The following MAF variants were observed in gnomAD, a reference collection of about 807,000 sequenced individuals.
MAF encodes transcription factor Maf.
A neutral mutation model predicts 22.0 loss-of-function variants in MAF; 10 were observed. The observed-to-expected ratio is 0.45, with a 90% CI of 0.28 to 0.77. The LOEUF is 0.77. MAF is among the 30% of genes least tolerant of loss of function. MAF has a pLI of 0.12. For missense variants in MAF, 544 were observed against 548.4 expected (o/e 0.99, Z 0.08); for synonymous variants, 337 against 255.8 (o/e 1.32, Z -3.03).
chr16:79,211,688 C>G, the MAF span: 3 of 1,614,232 alleles, frequency 1.9e-6, no homozygotes, highest in Non-Finnish European at 2.5e-6. Flanking sequence ...TCAACAACTG[C>G]TGCCGCTGCA....
the MAF span, among the ~76,000 whole-genome samples, chr16:79,489,157 CCACACATCCATCCACCTATCCA>C: frequency 6.6e-6 from 1 of 151,944 alleles, no homozygotes; most frequent in Non-Finnish European, 1.5e-5. Flanking sequence ...CCACCCATCC[CCACACATCCATCCACCTATCCA>C]CACATCCATT....
At chr16:79,350,953 C>G in the MAF span, among the ~76,000 whole-genome samples, 1 of 151,748 alleles carries the variant, frequency 6.6e-6, no homozygotes, top group African/African-American at 2.4e-5. Flanking sequence ...AGAGGAAACC[C>G]AGATGATCTG....
chr16:79,451,828 A>G, the MAF span, among the ~76,000 whole-genome samples: 1 of 152,236 alleles, frequency 6.6e-6, no homozygotes, highest in African/African-American at 2.4e-5. Flanking sequence ...ATGCCTAACT[A>G]AACATGTATC....
the MAF span, among the ~76,000 whole-genome samples, chr16:79,399,795 G>C: frequency 1.3e-5 from 2 of 152,130 alleles, no homozygotes; most frequent in Non-Finnish European, 2.9e-5. Flanking sequence ...GTGAAGATTC[G>C]TCCCAGCTTG....
At chr16:79,294,354 T>C in the MAF span, among the ~76,000 whole-genome samples, 2 of 152,210 alleles carry the variant, frequency 1.3e-5, no homozygotes, top group African/African-American at 4.8e-5. Context: ...AAAAGACTGT[T>C]TCTTTGATCA....
the MAF span, among the ~76,000 whole-genome samples, chr16:79,273,604 C>T: frequency 0.55 from 83,846 of 151,992 alleles, 24,984 homozygotes; most frequent in Admixed American, 0.67. Context: ...TGCAACATTC[C>T]TTGGCTTTTG....
the MAF span, among the ~76,000 whole-genome samples, chr16:79,288,242 A>G: frequency 4.6e-5 from 7 of 152,138 alleles, no homozygotes; most frequent in East Asian, 1.3e-3. Flanking sequence ...CCTCCCCTTG[A>G]GCCTGGGCTG....
At chr16:79,409,185 G>T in the MAF span, among the ~76,000 whole-genome samples, 1 of 152,044 alleles carries the variant, frequency 6.6e-6, no homozygotes, top group South Asian at 2.1e-4. Context: ...TATAAATTGG[G>T]CTTGTATTCT....
chr16:79,559,306 G>A, the MAF span, among the ~76,000 whole-genome samples: 6 of 152,186 alleles, frequency 3.9e-5, no homozygotes, highest in South Asian at 4.2e-4. Context: ...GAATCAGCCC[G>A]ATCACCCACA....
the MAF span, among the ~76,000 whole-genome samples, chr16:79,523,760 C>T: frequency 2.0e-5 from 3 of 152,202 alleles, no homozygotes; most frequent in Non-Finnish European, 2.9e-5. Context: ...ATGCCATATA[C>T]ATCCTTCAAG....
At chr16:79,206,400 G>A in the MAF span, 1 of 152,214 alleles carries the variant, frequency 6.6e-6, no homozygotes, top group Non-Finnish European at 1.5e-5. Context: ...GTAATTATCT[G>A]TATGGCTTTG....
the MAF span, among the ~76,000 whole-genome samples, chr16:79,414,977 T>C: frequency 6.6e-6 from 1 of 152,340 alleles, no homozygotes; most frequent in South Asian, 2.1e-4. Flanking sequence ...CAGGAAATTC[T>C]GCACCAGCTC....
At chr16:79,495,198 A>G in the MAF span, among the ~76,000 whole-genome samples, 1 of 152,200 alleles carries the variant, frequency 6.6e-6, no homozygotes, top group Non-Finnish European at 1.5e-5. Context: ...TCGGTGGCTC[A>G]TGCCTGTAAT....
At chr16:79,206,682 C>T in the MAF span, 2 of 151,982 alleles carry the variant, frequency 1.3e-5, no homozygotes, top group South Asian at 2.1e-4. Context: ...TCTGCTGCTT[C>T]CCATCATTTT....
chr16:79,446,409 G>A, the MAF span, among the ~76,000 whole-genome samples: 1 of 152,102 alleles, frequency 6.6e-6, no homozygotes, highest in Non-Finnish European at 1.5e-5. Flanking sequence ...ACAGCCCCAG[G>A]TTACACCTGT....
At chr16:79,513,052 A>C in the MAF span, among the ~76,000 whole-genome samples, 1 of 152,256 alleles carries the variant, frequency 6.6e-6, no homozygotes, top group Non-Finnish European at 1.5e-5. Context: ...CACTGTGCAT[A>C]AAGTTGCCTG....
At chr16:79,560,240 A>T in the MAF span, among the ~76,000 whole-genome samples, 2 of 152,094 alleles carry the variant, frequency 1.3e-5, no homozygotes, top group African/African-American at 4.8e-5. Flanking sequence ...AGTATTCTTA[A>T]ATGAAATTCC....
At position 79,597,823 on chromosome 16, in the gene MAF, G is replaced by A. The variant is rs573473952; in HGVS notation, c.1118+962C>T. 29 of 1,012,212 alleles carry A rather than the reference G, an allele frequency of 2.9e-5. No homozygotes were observed. The South Asian group carries it at 1.3e-3, about 46-fold the overall frequency. 62.7% of individuals were successfully genotyped at this position (1,012,212 alleles called of 1,614,324 possible). ...GGCTTTTTTTTTTTATTAATATAAT[G>A]TCTCTTTTCCATAAAGTCTTTGAAA... On this transcript the variant is annotated intron_variant, in intron 1 of 1. Coordinates refer to ENST00000326043, the MANE Select transcript of MAF (RefSeq NM_005360.5).
chr16:79,352,477 A>G, the MAF span, among the ~76,000 whole-genome samples: 1 of 152,128 alleles, frequency 6.6e-6, no homozygotes, highest in Non-Finnish European at 1.5e-5. Flanking sequence ...TCTAAGCCTG[A>G]GAATTGTTGA....
Sources: gnomAD v4.1 joint callset for allele counts (sites outside exome capture counted in the v4.1 genomes callset) on GRCh38, gnomAD v4.1.1 for gene constraint, MANE v1.5 for transcripts, NCBI Gene and HGNC (gene_info 2026-07-23, HGNC 2026-07-21) for gene names.